Variants in RANBP2 observed in about 807,000 individuals in gnomAD.
RANBP2 encodes the protein RAN binding protein 2.
In RANBP2, 57 loss-of-function variants were observed where a neutral mutation model predicts 303.6. The ratio of observed to expected loss-of-function variants is 0.19; its 90% CI spans 0.15 to 0.23. RANBP2 has a LOEUF of 0.23. RANBP2 is among the 10% of genes least tolerant of loss of function. The pLI is 1.00. For missense variants in RANBP2, 3,138 were observed against 3,780.8 expected, an observed-to-expected ratio of 0.83 and a Z score of 4.46; for synonymous variants, 1,167 against 1,301.5, an observed-to-expected ratio of 0.90 and a Z score of 2.23.
the RANBP2 span, among the ~76,000 whole-genome samples, chr2:109,336,938 A>G: frequency 3.9e-5 from 6 of 152,232 alleles, no homozygotes; most frequent in Non-Finnish European, 7.3e-5. Context: ...CAGCCAGACC[A>G]TCATCCTCTG....
the RANBP2 span, chr2:108,907,808 C>A: frequency 8.1e-6 from 13 of 1,607,816 alleles, no homozygotes; most frequent in Non-Finnish European, 1.1e-5. Context: ...AGTCTTGCGG[C>A]TGTGAGGGAG....
downstream of RANBP2, among the ~76,000 whole-genome samples, chr2:108,789,325 G>GCT (rs1440225259): frequency 6.6e-6 from 1 of 152,148 alleles, no homozygotes; most frequent in Non-Finnish European, 1.5e-5. Flanking sequence ...AGGTGCGGTG[G>GCT]CTCACGCCTG....
chr2:109,609,703 C>G, the RANBP2 span, among the ~76,000 whole-genome samples: 1 of 150,476 alleles, frequency 6.6e-6, no homozygotes, highest in African/African-American at 2.4e-5. Flanking sequence ...CTCTTAGATA[C>G]GAAAATTATC....
At chr2:109,025,530 G>C in the RANBP2 span, among the ~76,000 whole-genome samples, 17 of 152,164 alleles carry the variant, frequency 1.1e-4, no homozygotes, top group Non-Finnish European at 2.2e-4. Context: ...GACATAGGGC[G>C]GGTGCGGTGG....
chr2:108,935,581 G>T, the RANBP2 span, among the ~76,000 whole-genome samples: 7 of 152,274 alleles, frequency 4.6e-5, no homozygotes, highest in East Asian at 1.9e-4. Context: ...AGCCTTGGCT[G>T]GGTCTCTCCC....
the RANBP2 span, among the ~76,000 whole-genome samples, chr2:109,369,023 C>G: frequency 1.3e-5 from 2 of 152,078 alleles, no homozygotes; most frequent in African/African-American, 2.4e-5. Context: ...GGGCCCCACT[C>G]TAGTGTCCTC....
At chr2:108,978,079 T>C in the RANBP2 span, among the ~76,000 whole-genome samples, 1 of 152,096 alleles carries the variant, frequency 6.6e-6, no homozygotes, top group African/African-American at 2.4e-5. Context: ...GGCACTGACA[T>C]AGGGAAGAGC....
At chr2:109,505,747 C>G in the RANBP2 span, among the ~76,000 whole-genome samples, 11 of 152,132 alleles carry the variant, frequency 7.2e-5, no homozygotes, top group Admixed American at 7.2e-4. Flanking sequence ...AGCCATGACT[C>G]AAACTCAAGT....
the RANBP2 span, among the ~76,000 whole-genome samples, chr2:109,083,062 G>A: frequency 2.0e-5 from 3 of 151,950 alleles, no homozygotes; most frequent in Non-Finnish European, 2.9e-5. Context: ...TCCTGACCAC[G>A]TGATCCACCT....
chr2:109,429,040 G>T, the RANBP2 span, among the ~76,000 whole-genome samples: 30 of 152,344 alleles, frequency 2.0e-4, no homozygotes, highest in Admixed American at 5.2e-4. Flanking sequence ...ACAGACGTTG[G>T]TGAGAAACAG....
the RANBP2 span, chr2:109,545,406 A>T: frequency 4.6e-6 from 7 of 1,535,624 alleles, no homozygotes. Context: ...ACGCCTTGCG[A>T]TTATCATCCA....
the RANBP2 span, chr2:109,501,443 G>A: frequency 1.4e-6 from 1 of 707,334 alleles, no homozygotes; most frequent in Admixed American, 1.9e-5. Flanking sequence ...AGAAGAGAAA[G>A]CACGACCCAG....
chr2:109,147,667 G>T, the RANBP2 span, among the ~76,000 whole-genome samples: 1 of 152,216 alleles, frequency 6.6e-6, no homozygotes, highest in African/African-American at 2.4e-5. Flanking sequence ...AATTGCCCAT[G>T]AAGTGACCTT....
chr2:109,039,870 T>G, the RANBP2 span, among the ~76,000 whole-genome samples: 1 of 152,334 alleles, frequency 6.6e-6, no homozygotes, highest in African/African-American at 2.4e-5. Flanking sequence ...ATATTCTGTG[T>G]ATGATCTCTA....
the RANBP2 span, among the ~76,000 whole-genome samples, chr2:108,925,280 G>A: frequency 1.7e-4 from 26 of 152,354 alleles, no homozygotes; most frequent in African/African-American, 6.3e-4. Flanking sequence ...GTTCTTCTCC[G>A]TGGAACTTTG....
the RANBP2 span, among the ~76,000 whole-genome samples, chr2:109,669,416 TC>T: frequency 6.6e-6 from 1 of 151,892 alleles, no homozygotes; most frequent in African/African-American, 2.4e-5. Flanking sequence ...ATTTTCAAAC[TC>T]CCCACCCCTG....
the RANBP2 span, among the ~76,000 whole-genome samples, chr2:109,579,385 CTTTTT>C: frequency 7.2e-6 from 1 of 139,390 alleles, no homozygotes. Context: ...CCAGGCCCTC[CTTTTT>C]TTTTTTTTTT....
chr2:109,642,655 A>AT, the RANBP2 span, among the ~76,000 whole-genome samples: 1 of 127,508 alleles, frequency 7.8e-6, no homozygotes, highest in Non-Finnish European at 1.8e-5. Flanking sequence ...TCCATCTCAA[A>AT]TAAAAAAAAA....
the RANBP2 span, among the ~76,000 whole-genome samples, chr2:109,538,895 G>T: frequency 3.9e-5 from 6 of 152,178 alleles, no homozygotes; most frequent in Non-Finnish European, 5.9e-5. Flanking sequence ...CATTTCCTCT[G>T]TATTTTCAAA....
Sources: gnomAD v4.1 joint callset for allele counts (sites outside exome capture counted in the v4.1 genomes callset) on GRCh38, gnomAD v4.1.1 for gene constraint, MANE v1.5 for transcripts, NCBI Gene and HGNC (gene_info 2026-07-23, HGNC 2026-07-21) for gene names.